Variants in FHIT observed in about 807,000 individuals in gnomAD.
FHIT encodes bis(5'-adenosyl)-triphosphatase.
Under a neutral mutation model 17.9 loss-of-function variants are expected in FHIT, and 19 were observed. The ratio of observed to expected loss-of-function variants is 1.06; its 90% confidence interval spans 0.74 to 1.56. FHIT has a LOEUF of 1.56. FHIT is among the 40% of genes most tolerant of loss of function. The pLI is 0.00. For missense variants in FHIT, 248 were observed against 189.2 expected (o/e 1.31, Z -1.82); for synonymous variants, 81 against 69.7 (o/e 1.16, Z -0.81).
intron 5 of FHIT, among the ~76,000 whole-genome samples, chr3:60,257,251 C>T (rs1452878474): frequency 6.6e-6 from 1 of 152,302 alleles, no homozygotes; most frequent in East Asian, 1.9e-4. Context: ...AAATGTTCTT[C>T]TAACATGTTT....
chr3:59,949,039 T>C (rs978934312), intron 7 of FHIT, among the ~76,000 whole-genome samples: 8 of 152,176 alleles, frequency 5.3e-5, no homozygotes, highest in African/African-American at 1.9e-4. Context: ...CCTTACCTCC[T>C]CTTCCTCTCC....
chr3:60,705,500 T>A (rs1328655666), intron 4 of FHIT, among the ~76,000 whole-genome samples: 2 of 152,190 alleles, frequency 1.3e-5, no homozygotes, highest in African/African-American at 4.8e-5. Flanking sequence ...TGTACTTTTT[T>A]AAAAAATAGA....
chr3:61,224,334 T>C (rs375707662), intron 1 of FHIT, among the ~76,000 whole-genome samples: 104 of 152,360 alleles, frequency 6.8e-4, no homozygotes, highest in African/African-American at 2.5e-3. Flanking sequence ...CTGAAATGAC[T>C]ACCTACATGG....
chr3:60,711,644 C>G (rs1473945657), intron 4 of FHIT, among the ~76,000 whole-genome samples: 4 of 151,946 alleles, frequency 2.6e-5, no homozygotes, highest in African/African-American at 7.3e-5. Flanking sequence ...GCCTCAGGAG[C>G]CAATGTGATC....
At chr3:60,684,141 G>A (rs2040810613) in intron 4 of FHIT, among the ~76,000 whole-genome samples, 1 of 152,024 alleles carries the variant, frequency 6.6e-6, no homozygotes, top group Non-Finnish European at 1.5e-5. Context: ...CTGGAAGCCA[G>A]AAGCCCAAAA....
intron 3 of FHIT, among the ~76,000 whole-genome samples, chr3:60,920,487 AGTG>A (rs1553768084): frequency 6.6e-6 from 1 of 152,100 alleles, no homozygotes; most frequent in Non-Finnish European, 1.5e-5. Flanking sequence ...GGTGGTGATC[AGTG>A]GTAGTGGCAG....
intron 5 of FHIT, among the ~76,000 whole-genome samples, chr3:60,095,161 C>T (rs17376767): frequency 0.14 from 21,824 of 152,104 alleles, 1,752 homozygotes; most frequent in Non-Finnish European, 0.16. Flanking sequence ...TGAAGCAGGG[C>T]GTGTTGATAG....
chr3:60,014,525 G>T (rs1436256728), intron 5 of FHIT, among the ~76,000 whole-genome samples: 1 of 152,200 alleles, frequency 6.6e-6, no homozygotes, highest in African/African-American at 2.4e-5. Flanking sequence ...AAGGCACTAG[G>T]TTGAAAAAGC....
At chr3:60,342,491 A>G (rs1710574814) in intron 5 of FHIT, among the ~76,000 whole-genome samples, 1 of 152,216 alleles carries the variant, frequency 6.6e-6, no homozygotes, top group Non-Finnish European at 1.5e-5. Flanking sequence ...GTTTAAATAT[A>G]CAGTTTGTGT....
chr3:60,659,348 T>C (rs963354315), intron 4 of FHIT, among the ~76,000 whole-genome samples: 1 of 152,154 alleles, frequency 6.6e-6, no homozygotes, highest in Non-Finnish European at 1.5e-5. Flanking sequence ...TTGGCCATTA[T>C]GTCTCCAAAT....
At chr3:61,211,445 C>T (rs953426836) in intron 1 of FHIT, among the ~76,000 whole-genome samples, 14 of 152,338 alleles carry the variant, frequency 9.2e-5, no homozygotes, top group African/African-American at 3.4e-4. Context: ...AGCAGCGAGG[C>T]TGGGGGAGGG....
intron 8 of FHIT, among the ~76,000 whole-genome samples, chr3:59,819,444 T>A (rs1700715201): frequency 6.6e-6 from 1 of 152,330 alleles, no homozygotes; most frequent in East Asian, 1.9e-4. Flanking sequence ...ACCAGTGCTA[T>A]ATCCCTATTT....
chr3:61,248,568 A>G (rs1442635217), intron 1 of FHIT, among the ~76,000 whole-genome samples: 3 of 152,230 alleles, frequency 2.0e-5, no homozygotes, highest in Non-Finnish European at 4.4e-5. Context: ...GAATGCAAAC[A>G]TAGTGTCAGA....
At chr3:60,708,442 T>C (rs185719986) in intron 4 of FHIT, among the ~76,000 whole-genome samples, 1 of 152,356 alleles carries the variant, frequency 6.6e-6, no homozygotes, top group Non-Finnish European at 1.5e-5. Context: ...TTCATTGATA[T>C]GTGACACCCA....
At chr3:60,985,776 C>G (rs552878763) in intron 3 of FHIT, among the ~76,000 whole-genome samples, 2 of 152,326 alleles carry the variant, frequency 1.3e-5, no homozygotes, top group South Asian at 2.1e-4. Context: ...CAAATTACCA[C>G]AAACTTAGTG....
chr3:60,134,756 G>C (rs1699742491), intron 5 of FHIT, among the ~76,000 whole-genome samples: 1 of 152,136 alleles, frequency 6.6e-6, no homozygotes, highest in Non-Finnish European at 1.5e-5. Context: ...CTTATTTCAA[G>C]TCATCAAACG....
intron 5 of FHIT, among the ~76,000 whole-genome samples, chr3:60,429,881 T>C (rs1270472017): frequency 6.6e-6 from 1 of 151,992 alleles, no homozygotes; most frequent in Non-Finnish European, 1.5e-5. Flanking sequence ...AGCAAGCATT[T>C]CCATTCTTTC....
intron 5 of FHIT, among the ~76,000 whole-genome samples, chr3:60,467,132 G>A (rs2032841101): frequency 6.6e-6 from 1 of 151,688 alleles, no homozygotes; most frequent in Admixed American, 6.6e-5. Flanking sequence ...ATTTCTTCTA[G>A]GTTTTCCAAT....
intron 2 of FHIT, among the ~76,000 whole-genome samples, chr3:61,067,444 C>G (rs923926861): frequency 6.6e-6 from 1 of 152,104 alleles, no homozygotes; most frequent in Non-Finnish European, 1.5e-5. Flanking sequence ...CTTAATTGTC[C>G]CAGCAACTAT....
Sources: allele counts gnomAD v4.1 joint callset (sites outside exome capture counted in the v4.1 genomes callset), GRCh38; gene constraint gnomAD v4.1.1; transcripts MANE v1.5; gene names NCBI Gene and HGNC (gene_info 2026-07-23, HGNC 2026-07-21).